TACC2: variants seen among roughly 807,000 people sequenced by gnomAD.
The protein encoded by TACC2 is transforming acidic coiled-coil-containing protein 2.
TACC2 carries 137 observed loss-of-function variants against 227.3 expected under a neutral mutation model. That is an observed-to-expected ratio of 0.60 (90% confidence interval 0.52 to 0.69). TACC2 has a LOEUF of 0.69. Among genes scored for constraint, TACC2 ranks in the 30% least tolerant of loss-of-function variants. The pLI, the probability that TACC2 is intolerant of heterozygous loss-of-function variation, is 0.00. For missense variants in TACC2, 3,470 were observed against 3,694.4 expected (o/e 0.94, Z 1.57); for synonymous variants, 1,523 against 1,487.5 (o/e 1.02, Z -0.55).
rs549684503 is a variant in TACC2 at position 122,108,802 on chromosome 10, C to T, written c.5573+20211C>T. ...AGGCTGGAGTGCAATGGTGCGATCC[C>T]GGCTCACTGCAGCCTCTGCCTCCCG... On this transcript the variant is annotated intron_variant, in intron 5 of 22. Transcript: ENST00000369005. Among the ~76,000 whole-genome samples, 84 of 141,876 alleles carry T rather than the reference C, an allele frequency of 5.9e-4. 3 individuals are homozygous for T. The East Asian group carries it at 0.011, about 18-fold the overall frequency. 93.1% of individuals were successfully genotyped at this position (141,876 alleles called of 152,430 possible).
At chr10:122,081,942 G>T (rs752347275) in intron 3 of TACC2, among the ~76,000 whole-genome samples, 3 of 152,130 alleles carry the variant, frequency 2.0e-5, no homozygotes, top group South Asian at 4.1e-4. Context: ...AACATCTAAG[G>T]ATCCCCAGGG....
intron 7 of TACC2, among the ~76,000 whole-genome samples, chr10:122,189,383 C>G (rs978257715): frequency 6.6e-6 from 1 of 152,184 alleles, no homozygotes; most frequent in Non-Finnish European, 1.5e-5. Flanking sequence ...AGGTCTCCCT[C>G]TCTCTTCAGG....
chr10:122,091,230 C>A (rs2080779347), intron 5 of TACC2, among the ~76,000 whole-genome samples: 1 of 150,438 alleles, frequency 6.6e-6, no homozygotes, highest in Non-Finnish European at 1.5e-5. Flanking sequence ...GTAAAATACA[C>A]ACCCAATGTT....
chr10:122,082,802 C>T lies in TACC2; in HGVS notation c.302C>T (p.Ser101Phe). 1.2e-6 allele frequency: 2 copies of T among 1,613,790 alleles called. No homozygotes were observed. The highest frequency in any genetic ancestry group is 1.7e-6 in the Non-Finnish European group (2 of 1,180,014). ...EGSLLPSPPP[S>F]QEREHPSSSM... is the part of the protein sequence containing the mutation. ...TCTTTGCTGCCCAGCCCACCACCGTCCCAGGAGCGAGAGCACCCCTCGTCC... is the reference window on the plus strand; with the variant it reads ...TCTTTGCTGCCCAGCCCACCACCGTTCCAGGAGCGAGAGCACCCCTCGTCC... Residue 101 changes from serine to phenylalanine, a missense_variant, in exon 4 of 23, where the codon TCC (serine) becomes TTC (phenylalanine). Transcript: ENST00000369005.
rs1312134244 is a variant in TACC2 at position 122,087,753 on chromosome 10, C to T, written c.5253C>T (p.Cys1751=). The T allele has an allele frequency of 2.5e-6, 4 of 1,610,712 alleles. No individual in the cohort carries two copies. In the Admixed American group the frequency reaches 6.7e-5, roughly 27 times the overall value. The stretch of plus-strand genomic sequence containing the variant: ...CAGGAAGCTGTCAGGACCCAGCCTG[C>T]TCTGACAAGGCTCCGGGGATGGAGG... The part of the protein sequence containing the change: ...VLPGSCQDPA[C]SDKAPGMEGT... Residue 1751 remains cysteine (C), a synonymous_variant, in exon 4 of 23, where the codon TGC becomes TGT. Transcript: ENST00000369005.
intron 3 of TACC2, among the ~76,000 whole-genome samples, chr10:122,062,832 T>C (rs2076984295): frequency 6.6e-6 from 1 of 152,128 alleles, no homozygotes; most frequent in Non-Finnish European, 1.5e-5. Flanking sequence ...TTCACTGTCA[T>C]TTGTGGAATC....
rs560859062 is a variant in TACC2, at chr10:122,132,676, G to T, written c.5641G>T (p.Ala1881Ser). Residue 1881 changes from alanine (A) to serine (S), a missense_variant, in exon 6 of 23, where the codon GCC (alanine) becomes TCC (serine). By Grantham distance (99) the Ala-to-Ser change is moderately conservative (BLOSUM62 1). Coordinates refer to ENST00000369005, the MANE Select transcript of TACC2 (RefSeq NM_206862.4). ...AGACCTGGAAAGCCCAACCTTAGCT[G>T]CCTCTTCCTACCACGGTGATGTTGT... ...PADLESPTLA[A>S]SSYHGDVVGQ... The T allele has an allele frequency of 7.4e-5, 119 of 1,614,066 alleles. No individual in the cohort carries two copies. The highest frequency in any genetic ancestry group is 8.9e-5 in the Non-Finnish European group (105 of 1,180,042).
chr10:122,043,072 G>A (rs751572118), intron 2 of TACC2, among the ~76,000 whole-genome samples: 16 of 152,272 alleles, frequency 1.1e-4, no homozygotes, highest in Middle Eastern at 3.4e-3. Context: ...CCAGTTTATT[G>A]ACGGAGAGAG....
At chr10:122,107,524 G>C (rs2082960100) in intron 5 of TACC2, among the ~76,000 whole-genome samples, 1 of 152,050 alleles carries the variant, frequency 6.6e-6, no homozygotes, top group Admixed American at 6.6e-5. Context: ...GGGAGGCGGA[G>C]GTTGCAGTGA....
At chr10:122,055,900 C>A (rs1349200837) in intron 3 of TACC2, among the ~76,000 whole-genome samples, 1 of 152,212 alleles carries the variant, frequency 6.6e-6, no homozygotes, top group African/African-American at 2.4e-5. Context: ...TCTTCAAGGT[C>A]TCTTGGTCAG....
At chr10:122,133,527 CTG>C (rs138640040) in intron 6 of TACC2, among the ~76,000 whole-genome samples, 21 of 152,138 alleles carry the variant, frequency 1.4e-4, no homozygotes, top group East Asian at 1.9e-4. Flanking sequence ...ACACACATGT[CTG>C]TGTGTGTGTC....
rs558512351 is a variant in TACC2, at chr10:122,211,357, T to A, written c.6932T>A (p.Leu2311His). The change falls in exon 9 of 23, where the codon CTT becomes CAT. Residue 2311 changes from leucine (L) to histidine (H), a missense_variant. By Grantham distance (99) the Leu-to-His change is moderately conservative. This residue lies in a region of TACC2 where 593 missense variants were observed against 636.6 expected (regional missense o/e 0.93). Coordinates refer to ENST00000369005, the MANE Select transcript of TACC2 (RefSeq NM_206862.4). ...RPKMKKTPEKLDNTPASPPRS... is the reference protein window; with the variant it reads ...RPKMKKTPEKHDNTPASPPRS... ...AAGATGAAAAAGACACCCGAGAAAC[T>A]TGACAACACTCCTGCCTCACCTCCC... 2.4e-5 allele frequency: 38 copies of A among 1,613,570 alleles called. No individual in the cohort carries two copies. The highest frequency in any genetic ancestry group is 3.1e-5 in the Non-Finnish European group (37 of 1,179,916).
In TACC2 at chr10:122,049,859, A is replaced by G. The variant is rs906137636; in HGVS notation, c.34-579A>G. Among the ~76,000 whole-genome samples the G allele has an allele frequency of 3.3e-5, 5 of 152,286 alleles. No individual in the cohort carries two copies. In the East Asian group the frequency reaches 7.7e-4, roughly 24 times the overall value. On this transcript the variant is annotated intron_variant, in intron 2 of 22. Transcript: ENST00000369005. ...AATATGGTTTATAAAAACAACAACA[A>G]CAAATCAACTAACCGGTGGACAAGC...
At chr10:122,018,091 T>C (rs954308064) in intron 1 of TACC2, among the ~76,000 whole-genome samples, 4 of 151,126 alleles carry the variant, frequency 2.6e-5, no homozygotes, top group African/African-American at 9.7e-5. Context: ...GTTTGCTGCA[T>C]CTATTGACCC....
chr10:122,181,958 T>C (rs1487733759), intron 7 of TACC2, among the ~76,000 whole-genome samples: 1 of 152,264 alleles, frequency 6.6e-6, no homozygotes, highest in Non-Finnish European at 1.5e-5. Flanking sequence ...TACTGCTTTA[T>C]TGCACTGCTT....
At chr10:122,047,220 C>G (rs898508212) in intron 2 of TACC2, among the ~76,000 whole-genome samples, 1 of 129,564 alleles carries the variant, frequency 7.7e-6, no homozygotes, top group Non-Finnish European at 1.5e-5. Flanking sequence ...ATCCGGGAAG[C>G]ACAGGTTGCA....
chr10:122,094,248 A>C (rs914493307), intron 5 of TACC2, among the ~76,000 whole-genome samples: 41 of 152,134 alleles, frequency 2.7e-4, no homozygotes, highest in Non-Finnish European at 3.7e-4. Flanking sequence ...CTGAGAGGTG[A>C]ATCTGTCATT....
chr10:122,008,001 C>A (rs192347088), intron 1 of TACC2, among the ~76,000 whole-genome samples: 67 of 152,284 alleles, frequency 4.4e-4, no homozygotes, highest in Middle Eastern at 3.4e-3. Context: ...GTCCTCCCAC[C>A]AGCAAGAAAG....
chr10:122,231,887 G>A (rs979418231), intron 16 of TACC2, among the ~76,000 whole-genome samples: 17 of 152,230 alleles, frequency 1.1e-4, no homozygotes, highest in African/African-American at 3.9e-4. Flanking sequence ...CCTGCCTGGA[G>A]TAACAGCTCA....
Sources: allele counts gnomAD v4.1 joint callset (sites outside exome capture counted in the v4.1 genomes callset), GRCh38; gene constraint gnomAD v4.1.1; regional missense constraint gnomAD v4.1.1; transcripts MANE v1.5; gene names NCBI Gene and HGNC (gene_info 2026-07-23, HGNC 2026-07-21).